The following ANKRD44 variants were observed in gnomAD, a reference collection of about 807,000 sequenced individuals.
ANKRD44 encodes the protein serine/threonine-protein phosphatase 6 regulatory ankyrin repeat subunit B.
A neutral mutation model predicts 116.0 loss-of-function variants in ANKRD44; 35 were observed. The ratio of observed to expected loss-of-function variants is 0.30; its 90% CI spans 0.23 to 0.40. The LOEUF (loss-of-function observed/expected upper bound fraction) is 0.40, where lower values mean the gene tolerates loss of function less well. Ranked by LOEUF, ANKRD44 falls within the 10% of genes least tolerant of loss-of-function variation. The pLI is 1.00. For missense variants in ANKRD44, 1,014 were observed against 1,242.6 expected, an observed-to-expected ratio of 0.82 and a Z score of 2.77; for synonymous variants, 435 against 461.8, an observed-to-expected ratio of 0.94 and a Z score of 0.74.
chr2:197,281,496 G>A (rs945058929), intron 1 of ANKRD44, among the ~76,000 whole-genome samples: 7 of 151,982 alleles, frequency 4.6e-5, no homozygotes, highest in African/African-American at 1.7e-4. Context: ...AAAAAACATC[G>A]TCAGTCCTTG....
At chr2:197,001,072 G>C (rs535876414) in intron 22 of ANKRD44, among the ~76,000 whole-genome samples, 4 of 144,726 alleles carry the variant, frequency 2.8e-5, no homozygotes, top group Non-Finnish European at 5.9e-5. Context: ...AAATCTTTCT[G>C]ACTCTTTTTT....
At chr2:197,049,711 G>A (rs1369600471) in intron 16 of ANKRD44, among the ~76,000 whole-genome samples, 1 of 151,864 alleles carries the variant, frequency 6.6e-6, no homozygotes, top group African/African-American at 2.4e-5. Context: ...TGAACTCCTG[G>A]ACTGAAGTGA....
intron 3 of ANKRD44, among the ~76,000 whole-genome samples, chr2:197,141,921 T>C (rs1486433127): frequency 6.6e-6 from 1 of 152,218 alleles, no homozygotes. Context: ...TTATAGCTGA[T>C]TTTTTCTAAA....
At chr2:197,023,841 T>C (rs910379776) in intron 17 of ANKRD44, among the ~76,000 whole-genome samples, 7 of 152,206 alleles carry the variant, frequency 4.6e-5, no homozygotes, top group African/African-American at 1.7e-4. Flanking sequence ...GCATGAAGAT[T>C]TATATGTATA....
At chr2:197,003,600 T>C (rs913856603) in intron 21 of ANKRD44, among the ~76,000 whole-genome samples, 1 of 152,128 alleles carries the variant, frequency 6.6e-6, no homozygotes, top group African/African-American at 2.4e-5. Context: ...AAGGCTGCAC[T>C]GAAAGGGTGA....
At chr2:197,231,879 A>G (rs13423442) in intron 1 of ANKRD44, among the ~76,000 whole-genome samples, 31,724 of 151,874 alleles carry the variant, frequency 0.21, 3,507 homozygotes, top group Middle Eastern at 0.32. Context: ...TTGAATAGTT[A>G]TTTTCATATT....
At position 197,066,566 on chromosome 2, in the gene ANKRD44, T is replaced by A. The variant is rs185438075; in HGVS notation, c.1650+12137A>T. On this transcript the variant is annotated intron_variant, in intron 16 of 27. Coordinates refer to ENST00000282272, the MANE Select transcript of ANKRD44 (RefSeq NM_001195144.2). The stretch of plus-strand genomic sequence containing the variant: ...CCATCGTCTCAGCCCAAACTCTCCT[T>A]AAGCTGATAAGCAACTTCAGCAAAG... 1.2e-3 allele frequency among the ~76,000 whole-genome samples: 179 copies of A among 152,320 alleles called. 2 individuals carry two copies. Among genetic ancestry groups the A allele is most frequent in the African/African-American group, 4.1e-3 (170 of 41,566 alleles).
At chr2:197,035,163 C>G (rs2076785533) in intron 16 of ANKRD44, among the ~76,000 whole-genome samples, 1 of 152,168 alleles carries the variant, frequency 6.6e-6, no homozygotes, top group South Asian at 2.1e-4. Context: ...GGTAAGCCAA[C>G]TGGCTGCTGA....
At chr2:197,235,397 C>T (rs891852187) in intron 1 of ANKRD44, among the ~76,000 whole-genome samples, 1 of 152,014 alleles carries the variant, frequency 6.6e-6, no homozygotes, top group African/African-American at 2.4e-5. Context: ...GGGCAGATCA[C>T]TTGAGGCCAG....
chr2:197,197,153 C>T (rs896392408), intron 1 of ANKRD44, among the ~76,000 whole-genome samples: 4 of 152,176 alleles, frequency 2.6e-5, no homozygotes, highest in Non-Finnish European at 4.4e-5. Context: ...AGAATCCCCT[C>T]AGTGTAGTCT....
At chr2:197,001,669 G>C in intron 22 of ANKRD44, 84 bp downstream of exon 22, 1 of 967,414 alleles carries the variant, frequency 1.0e-6, no homozygotes, top group South Asian at 1.8e-5. Context: ...TAATCTAAAA[G>C]ACTTTTTTCC....
intron 1 of ANKRD44, chr2:197,263,040 C>G: frequency 3.3e-6 from 1 of 302,318 alleles, no homozygotes; most frequent in Non-Finnish European, 6.4e-6. Flanking sequence ...ATAATAATGC[C>G]TCTTTAAAAG....
rs566387861 is a variant in ANKRD44 at position 197,082,547 on chromosome 2, T to C, written c.1457+822A>G. On this transcript the variant is annotated intron_variant, in intron 14 of 27. Transcript: ENST00000282272. ...AAAACTTTATTTCCATTTTACATAC[T>C]ATATGAACTATATATATGTGAATGT... Among the ~76,000 whole-genome samples the C allele has an allele frequency of 4.6e-5, 7 of 152,354 alleles. No homozygotes were observed. The South Asian group carries it at 1.4e-3, about 32-fold the overall frequency.
intron 1 of ANKRD44, among the ~76,000 whole-genome samples, chr2:197,218,371 T>C (rs996569752): frequency 2.0e-5 from 3 of 152,176 alleles, no homozygotes; most frequent in Non-Finnish European, 4.4e-5. Context: ...CCAGTGGGAC[T>C]TCCTGCTATT....
chr2:197,068,889 G>C (rs1442226752), intron 16 of ANKRD44, among the ~76,000 whole-genome samples: 1 of 152,188 alleles, frequency 6.6e-6, no homozygotes, highest in African/African-American at 2.4e-5. Context: ...AGACAGTGTG[G>C]CGATTCCTCG....
At position 197,156,027 on chromosome 2, in the gene ANKRD44, T is replaced by C. The variant is rs373608599; in HGVS notation, c.112-8922A>G. On this transcript the variant is annotated intron_variant, in intron 2 of 27. Coordinates refer to ENST00000282272, the MANE Select transcript of ANKRD44 (RefSeq NM_001195144.2). ...TTGAACAGATATTTCACCAAAGATA[T>C]ACAGATAGCAAATAAGCATATAAAA... 8.5e-5 allele frequency among the ~76,000 whole-genome samples: 13 copies of C among 152,262 alleles called. No homozygotes were observed. In the South Asian group the frequency reaches 2.3e-3, roughly 27 times the overall value.
At chr2:197,138,565 G>T (rs775351718) in intron 3 of ANKRD44, among the ~76,000 whole-genome samples, 9 of 152,180 alleles carry the variant, frequency 5.9e-5, no homozygotes, top group Non-Finnish European at 7.3e-5. Flanking sequence ...TACCTTTCTG[G>T]TTTAGCAACA....
chr2:196,978,267 C>CCT, intron 21 of ANKRD44, among the ~76,000 whole-genome samples: 1 of 150,528 alleles, frequency 6.6e-6, no homozygotes, highest in South Asian at 2.1e-4. Context: ...GCACCTCTCC[C>CCT]CTCTCTCTCC....
intron 1 of ANKRD44, among the ~76,000 whole-genome samples, chr2:197,292,975 T>C (rs1345687940): frequency 6.6e-6 from 1 of 152,204 alleles, no homozygotes; most frequent in African/African-American, 2.4e-5. Flanking sequence ...GTTCATGTCA[T>C]GACACACTAA....
Sources: gnomAD v4.1 joint callset for allele counts (sites outside exome capture counted in the v4.1 genomes callset) on GRCh38, gnomAD v4.1.1 for gene constraint, MANE v1.5 for transcripts, NCBI Gene and HGNC (gene_info 2026-07-23, HGNC 2026-07-21) for gene names.